The following CDYL variants were observed in gnomAD, a reference collection of about 807,000 sequenced individuals.
The protein encoded by CDYL is chromodomain Y-like protein.
CDYL carries 8 observed loss-of-function variants against 47.3 expected under a neutral mutation model. The ratio of observed to expected loss-of-function variants is 0.17; its 90% confidence interval spans 0.10 to 0.31. CDYL has a LOEUF of 0.31. CDYL is among the 10% of genes least tolerant of loss of function. The probability of loss-of-function intolerance (pLI) is 1.00; values close to 1 mark genes in which losing one functional copy is unlikely to be tolerated. For synonymous variants in CDYL, 266 were observed against 265.0 expected, an observed-to-expected ratio of 1.00 and a Z score of -0.04; for missense variants, 471 against 701.4, an observed-to-expected ratio of 0.67 and a Z score of 3.71.
intron 3 of CDYL, among the ~76,000 whole-genome samples, chr6:4,736,454 G>A (rs1445769974): frequency 6.6e-6 from 1 of 152,170 alleles, no homozygotes; most frequent in East Asian, 1.9e-4. Flanking sequence ...AACCTGCCAA[G>A]GACAGACAAA....
intron 1 of CDYL, 28 bp downstream of exon 1, chr6:4,776,835 C>T (rs1212310318): frequency 4.8e-6 from 4 of 828,040 alleles, no homozygotes; most frequent in South Asian, 5.0e-5. Flanking sequence ...GGCCTCGGGC[C>T]GCCCCCCGCC....
chr6:4,842,910 A>G (rs1760543903), intron 1 of CDYL, among the ~76,000 whole-genome samples: 1 of 152,086 alleles, frequency 6.6e-6, no homozygotes, highest in Admixed American at 6.6e-5. Context: ...GGTGTATGTC[A>G]AGGATTTGTT....
chr6:4,706,444 ATTTG>A (rs762681757), intron 1 of CDYL, among the ~76,000 whole-genome samples: 42 of 150,220 alleles, frequency 2.8e-4, no homozygotes, highest in Non-Finnish European at 3.7e-4. Flanking sequence ...TTTTCTTTTC[ATTTG>A]TTTGTTTGTT....
At chr6:4,825,457 TTGAG>T (rs1194283008) in intron 1 of CDYL, among the ~76,000 whole-genome samples, 1 of 152,178 alleles carries the variant, frequency 6.6e-6, no homozygotes, top group African/African-American at 2.4e-5. Context: ...CACTTCACAA[TTGAG>T]TGTATTAGCT....
chr6:4,808,907 T>A (rs1044425939), intron 1 of CDYL, among the ~76,000 whole-genome samples: 2 of 152,208 alleles, frequency 1.3e-5, no homozygotes, highest in Non-Finnish European at 2.9e-5. Flanking sequence ...TTGTTCCCCA[T>A]ACACACATCC....
intron 1 of CDYL, among the ~76,000 whole-genome samples, chr6:4,787,920 C>G (rs373434690): frequency 6.6e-6 from 1 of 151,626 alleles, no homozygotes; most frequent in Non-Finnish European, 1.5e-5. Context: ...TACAGGTGTG[C>G]GCCACCACGC....
At chr6:4,811,588 A>G (rs1382629894) in intron 1 of CDYL, among the ~76,000 whole-genome samples, 1 of 151,808 alleles carries the variant, frequency 6.6e-6, no homozygotes, top group African/African-American at 2.4e-5. Context: ...TTAATTACAC[A>G]AGTACTCAAT....
chr6:4,721,448 T>A (rs1271045129), intron 2 of CDYL, among the ~76,000 whole-genome samples: 1 of 152,130 alleles, frequency 6.6e-6, no homozygotes, highest in Admixed American at 6.6e-5. Flanking sequence ...AGCGGCATGA[T>A]CTCAGCTCAT....
chr6:4,828,472 T>TA (rs1164746143), intron 1 of CDYL, among the ~76,000 whole-genome samples: 4 of 152,126 alleles, frequency 2.6e-5, no homozygotes, highest in African/African-American at 9.7e-5. Flanking sequence ...CCATGATTTC[T>TA]GTTGAGAAAT....
rs184615834 is a variant in CDYL at position 4,757,666 on chromosome 6, T to A, written c.186+22822T>A. Among the ~76,000 whole-genome samples the A allele has an allele frequency of 1.6e-4, 25 of 152,348 alleles. 1 individual carries two copies. In the South Asian group the frequency reaches 2.7e-3, roughly 16 times the overall value. On this transcript the variant is annotated intron_variant, in intron 3 of 8. Coordinates refer to the CDYL transcript ENST00000328908. Reference sequence around the variant, plus strand: ...ATTATTTAAGTGAAAAACTGTCTTTTCTACAAATGAAAAGAAAACTCTATT... The same window carrying A: ...ATTATTTAAGTGAAAAACTGTCTTTACTACAAATGAAAAGAAAACTCTATT...
At chr6:4,789,982 C>G (rs1204160467) in intron 1 of CDYL, among the ~76,000 whole-genome samples, 1 of 152,144 alleles carries the variant, frequency 6.6e-6, no homozygotes, top group East Asian at 1.9e-4. Flanking sequence ...GTTATTTGTC[C>G]TTGCTGGAGA....
chr6:4,731,307 G>A (rs1343029553), intron 2 of CDYL, among the ~76,000 whole-genome samples: 1 of 152,160 alleles, frequency 6.6e-6, no homozygotes, highest in African/African-American at 2.4e-5. Context: ...ATCTTTATGA[G>A]TAGTTAAGAC....
chr6:4,911,379 C>G (rs911256160), intron 2 of CDYL, among the ~76,000 whole-genome samples: 1 of 152,238 alleles, frequency 6.6e-6, no homozygotes, highest in Admixed American at 6.5e-5. Flanking sequence ...CTCACACATA[C>G]ATGCGCACAG....
chr6:4,893,143 T>G (rs1762098052), intron 2 of CDYL, among the ~76,000 whole-genome samples: 1 of 152,224 alleles, frequency 6.6e-6, no homozygotes, highest in African/African-American at 2.4e-5. Flanking sequence ...CTAATAGGGC[T>G]TCCTGCTTCC....
At chr6:4,952,998 C>G (rs1259182672) in intron 6 of CDYL, among the ~76,000 whole-genome samples, 2 of 151,286 alleles carry the variant, frequency 1.3e-5, no homozygotes, top group Non-Finnish European at 2.9e-5. Context: ...GAACTCCTGA[C>G]CTCAAGTTGA....
intron 1 of CDYL, among the ~76,000 whole-genome samples, chr6:4,873,871 G>A (rs541475646): frequency 6.6e-6 from 1 of 152,140 alleles, no homozygotes; most frequent in African/African-American, 2.4e-5. Context: ...CAGCTGTGCA[G>A]ATTTCACCTC....
intron 1 of CDYL, among the ~76,000 whole-genome samples, chr6:4,881,302 T>G (rs1435897089): frequency 6.6e-6 from 1 of 152,218 alleles, no homozygotes. Context: ...GTTATAATTC[T>G]CTAATGGCTT....
At chr6:4,723,448 G>A (rs1164163207) in intron 2 of CDYL, among the ~76,000 whole-genome samples, 6 of 152,194 alleles carry the variant, frequency 3.9e-5, no homozygotes, top group Non-Finnish European at 4.4e-5. Flanking sequence ...GTGTCACAAA[G>A]AGGCTATTTA....
In CDYL at chr6:4,937,634, G is replaced by A. The variant is rs150826447; in HGVS notation, c.1018G>A (p.Ala340Thr). Reference sequence around the variant, plus strand: ...TGACAGCAAGCTGGTACTGCTCAGCGCCGTTGGCAGCGTCTTCTGTTGTGG... The same window carrying A: ...TGACAGCAAGCTGGTACTGCTCAGCACCGTTGGCAGCGTCTTCTGTTGTGG... ...ADDSKLVLLS[A>T]VGSVFCCGLD... The change falls in exon 4 of 7, where the codon GCC becomes ACC. Residue 340 changes from alanine (A) to threonine (T), a missense_variant. By Grantham distance (58) the Ala-to-Thr change is moderately conservative. Around this residue, in one of 3 missense-constraint regions of CDYL, gnomAD observed 103 missense variants for 277.1 expected, o/e 0.37. Transcript: ENST00000397588. The A allele has an allele frequency of 1.2e-6, 2 of 1,613,912 alleles. No homozygotes were observed. Among genetic ancestry groups the A allele is most frequent in the Non-Finnish European group, 1.7e-6 (2 of 1,179,874 alleles).
Sources: allele counts gnomAD v4.1 joint callset (sites outside exome capture counted in the v4.1 genomes callset), GRCh38; gene constraint gnomAD v4.1.1; regional missense constraint gnomAD v4.1.1; transcripts MANE v1.5; gene names NCBI Gene and HGNC (gene_info 2026-07-23, HGNC 2026-07-21).